The following NUP133 variants were observed in gnomAD, a reference collection of about 807,000 sequenced individuals.
NUP133 encodes the protein nucleoporin 133, also known as nuclear pore complex protein Nup133.
A neutral mutation model predicts 146.2 loss-of-function variants in NUP133; 66 were observed. That is an observed-to-expected ratio of 0.45 (90% CI 0.37 to 0.55). The LOEUF (loss-of-function observed/expected upper bound fraction) is 0.55, where lower values mean the gene tolerates loss of function less well. Among genes scored for constraint, NUP133 ranks in the 20% least tolerant of loss-of-function variants. NUP133 has a pLI of 0.00. For missense variants in NUP133, 1,277 were observed against 1,374.8 expected, an observed-to-expected ratio of 0.93 and a Z score of 1.12; for synonymous variants, 521 against 498.8, an observed-to-expected ratio of 1.04 and a Z score of -0.59.
At chr1:229,503,096 T>A (rs77694372) in intron 2 of NUP133, among the ~76,000 whole-genome samples, 1 of 151,598 alleles carries the variant, frequency 6.6e-6, no homozygotes, top group African/African-American at 2.4e-5. Flanking sequence ...TGAAACCCCA[T>A]CTCTACCAAA....
intron 21 of NUP133, among the ~76,000 whole-genome samples, chr1:229,453,026 T>G (rs1456495374): frequency 6.6e-6 from 1 of 152,090 alleles, no homozygotes; most frequent in Non-Finnish European, 1.5e-5. Context: ...CCACTAGAAT[T>G]TATAGTATAT....
rs761580296 is a variant in NUP133 at position 229,500,758 on chromosome 1, G to A, written c.511C>T (p.Gln171Ter). 2 of 1,598,896 alleles carry A rather than the reference G, an allele frequency of 1.3e-6. No homozygotes were observed. Among genetic ancestry groups the A allele is most frequent in the Non-Finnish European group, 1.7e-6 (2 of 1,167,724 alleles). Residue 171 changes from glutamine (Q) to a stop codon, truncating the protein, a stop_gained and splice_region_variant, in exon 4 of 26, where the codon CAG becomes TAG. Transcript: ENST00000261396. LOFTEE classifies it high-confidence loss of function. ...AAATAAGCTTTTAAGTCACCTACCT[G>A]AGTAGAATGTGCTTCACCTGAGGGA... ...SSPSGEAHST[Q>*]AVAVMVATRE...
intron 19 of NUP133, 72 bp downstream of exon 19, chr1:229,463,471 T>C (rs1351865346): frequency 4.0e-6 from 6 of 1,498,088 alleles, no homozygotes; most frequent in Middle Eastern, 1.8e-4. Flanking sequence ...TGATTACAGA[T>C]TTGAAATGGC....
intron 6 of NUP133, 141 bp from the exon 7 acceptor site, chr1:229,496,188 C>T: frequency 1.4e-6 from 1 of 692,434 alleles, no homozygotes; most frequent in Non-Finnish European, 2.2e-6. Context: ...AAGTAGTGAT[C>T]CTGGGCCGGG....
In NUP133 at chr1:229,501,998, C is replaced by T. The variant is rs1311175380; in HGVS notation, c.405+1G>A. ...GTTCCAGCTCTCTAAAGAGCCATTA[C>T]CTTAGTAATAGGTGACAGAGCAATC... On this transcript the variant is annotated splice_donor_variant, in intron 3 of 25. Coordinates refer to ENST00000261396, the MANE Select transcript of NUP133 (RefSeq NM_018230.3). LOFTEE classifies it high-confidence loss of function. The T allele has an allele frequency of 6.2e-7, 1 of 1,600,832 alleles. No homozygotes were observed. The highest frequency in any genetic ancestry group is 8.6e-7 in the Non-Finnish European group (1 of 1,167,950).
chr1:229,460,985 T>C (rs918150837), intron 19 of NUP133, among the ~76,000 whole-genome samples: 2 of 152,236 alleles, frequency 1.3e-5, no homozygotes, highest in African/African-American at 4.8e-5. Flanking sequence ...ACTGACAAGA[T>C]TAATGGCAGA....
At chr1:229,497,115 T>C (rs1661674434) in intron 6 of NUP133, among the ~76,000 whole-genome samples, 1 of 152,194 alleles carries the variant, frequency 6.6e-6, no homozygotes, top group Non-Finnish European at 1.5e-5. Flanking sequence ...AGGCCAACAG[T>C]AAGTAAACTG....
chr1:229,479,781 C>T (rs1428831189), intron 12 of NUP133, among the ~76,000 whole-genome samples: 1 of 151,970 alleles, frequency 6.6e-6, no homozygotes, highest in East Asian at 1.9e-4. Context: ...GCAAATGAAG[C>T]CAAGGAGGAG....
chr1:229,441,051 G>T lies in NUP133; in HGVS notation c.*853C>A. 1.1e-5 allele frequency: 2 copies of T among 181,584 alleles called. No homozygotes were observed. Among genetic ancestry groups the T allele is most frequent in the South Asian group, 2.4e-4 (2 of 8,286 alleles). 11.2% of individuals were successfully genotyped at this position (181,584 alleles called of 1,614,324 possible). On this transcript the variant is annotated 3_prime_UTR_variant, in exon 26 of 26. Coordinates refer to ENST00000261396, the MANE Select transcript of NUP133 (RefSeq NM_018230.3). ...TAAACATTGAGTGAGTGATGACACT[G>T]GTCAGGACAAAGCTCTGAGAGTACA...
rs201068109 is a variant in NUP133 at position 229,442,674 on chromosome 1, T to TA, written c.3335-635dup. Among the ~76,000 whole-genome samples, 284 of 145,506 alleles carry TA rather than the reference T, an allele frequency of 2.0e-3. 2 individuals carry two copies. The highest frequency in any genetic ancestry group is 6.7e-3 in the African/African-American group (268 of 39,984). ...AGATTCTCAAAATCAGATACTGGTTTAAAAAAAAAACTCAAAGGGCCTTGC... is the reference window on the plus strand; with the variant it reads ...AGATTCTCAAAATCAGATACTGGTTTAAAAAAAAAAACTCAAAGGGCCTTGC... On this transcript the variant is annotated intron_variant, in intron 25 of 25. Transcript: ENST00000261396.
intron 11 of NUP133, 131 bp from the exon 12 acceptor site, chr1:229,484,276 AG>A (rs1413147977): frequency 1.7e-5 from 9 of 532,154 alleles, no homozygotes; most frequent in Non-Finnish European, 2.9e-5. Context: ...TGTCTGTACC[AG>A]GGGTGTCCAA....
At chr1:229,447,241 T>A (rs1269292533) in intron 24 of NUP133, among the ~76,000 whole-genome samples, 2 of 152,248 alleles carry the variant, frequency 1.3e-5, no homozygotes, top group African/African-American at 4.8e-5. Context: ...CTATTCTTGC[T>A]ATTCTTAACT....
intron 8 of NUP133, among the ~76,000 whole-genome samples, chr1:229,490,456 A>G (rs1447488537): frequency 2.6e-5 from 4 of 152,180 alleles, no homozygotes; most frequent in Non-Finnish European, 4.4e-5. Context: ...GCTAAGTGAC[A>G]GAAACCAGAC....
chr1:229,460,626 G>T lies in NUP133; in HGVS notation c.2829C>A (p.Ser943Arg). The change falls in exon 20 of 26, where the codon AGC (serine) becomes AGA (arginine). Residue 943 changes from serine to arginine, a missense_variant. Transcript: ENST00000261396. The stretch of plus-strand genomic sequence containing the variant: ...TCCTTCTTACCTTTTCTAATTCTTG[G>T]CTATTAATTTCATGTAACCAGCTGA... ...EHLSWLHEIN[S>R]QELEKAHATL... 1.2e-6 allele frequency: 2 copies of T among 1,612,412 alleles called. No individual in the cohort carries two copies. The highest frequency in any genetic ancestry group is 1.7e-6 in the Non-Finnish European group (2 of 1,179,452).
In NUP133 at chr1:229,449,877, T is replaced by A. The variant is rs2942825; in HGVS notation, c.3180+648A>T. Among the ~76,000 whole-genome samples the A allele has an allele frequency of 9.8e-3, 577 of 58,590 alleles. 2 individuals are homozygous for A. The highest frequency in any genetic ancestry group is 0.03 in the African/African-American group (285 of 9,658). 38.4% of individuals were successfully genotyped at this position (58,590 alleles called of 152,430 possible). A position where few individuals can be genotyped will look rare whatever the true frequency, so the allele number is the denominator to read the frequency against. On this transcript the variant is annotated intron_variant, in intron 23 of 25. Coordinates refer to ENST00000261396, the MANE Select transcript of NUP133 (RefSeq NM_018230.3). ...TATATATATATATATATATATATTT[T>A]TTTTTTTTTTTTTTTTTTTTTTGAG...
chr1:229,503,142 G>GGGGCA (rs1661847792), intron 2 of NUP133, among the ~76,000 whole-genome samples: 3 of 151,994 alleles, frequency 2.0e-5, no homozygotes, highest in African/African-American at 7.2e-5. Flanking sequence ...TGGGGGCATG[G>GGGGCA]TGGCGTGCAC....
intron 23 of NUP133, among the ~76,000 whole-genome samples, chr1:229,449,877 T>TATAGA (rs1478159810): frequency 1.7e-5 from 1 of 59,334 alleles, no homozygotes; most frequent in Non-Finnish European, 3.1e-5. Flanking sequence ...ATATATATTT[T>TATAGA]TTTTTTTTTT....
intron 8 of NUP133, among the ~76,000 whole-genome samples, chr1:229,494,591 G>C (rs539815758): frequency 1.3e-5 from 2 of 152,298 alleles, no homozygotes; most frequent in South Asian, 2.1e-4. Flanking sequence ...ATGTGACCTT[G>C]AGCATTAAAG....
chr1:229,459,034 AT>A (rs960618155), intron 20 of NUP133, among the ~76,000 whole-genome samples: 3 of 152,212 alleles, frequency 2.0e-5, no homozygotes, highest in African/African-American at 7.2e-5. Context: ...ATGAATTATA[AT>A]TGTATATATT....
Sources: gnomAD v4.1 joint callset for allele counts (sites outside exome capture counted in the v4.1 genomes callset) on GRCh38, gnomAD v4.1.1 for gene constraint, MANE v1.5 for transcripts, NCBI Gene and HGNC (gene_info 2026-07-23, HGNC 2026-07-21) for gene names.